Variants in MATN2 observed in about 807,000 individuals in gnomAD.
MATN2 encodes the protein matrilin 2.
A neutral mutation model predicts 103.2 loss-of-function variants in MATN2; 69 were observed. The ratio of observed to expected loss-of-function variants is 0.67; its 90% CI spans 0.55 to 0.82. The LOEUF (loss-of-function observed/expected upper bound fraction) is 0.82. Among genes scored for constraint, MATN2 ranks in the 40% least tolerant of loss-of-function variants. The pLI is 0.00. For synonymous variants in MATN2, 429 were observed against 450.2 expected (o/e 0.95, Z 0.60); for missense variants, 1,023 against 1,211.5 (o/e 0.84, Z 2.31).
At chr8:97,891,006 G>A (rs1373559560) in intron 2 of MATN2, among the ~76,000 whole-genome samples, 5 of 152,172 alleles carry the variant, frequency 3.3e-5, no homozygotes. Context: ...ACATCTGTGG[G>A]CTGTTCACTC....
chr8:98,014,897 A>G (rs1813308144), intron 10 of MATN2, among the ~76,000 whole-genome samples: 1 of 152,184 alleles, frequency 6.6e-6, no homozygotes, highest in Admixed American at 6.5e-5. Context: ...AATAATTCCG[A>G]TTCATGTCCA....
intron 18 of MATN2, 152 bp downstream of exon 18, chr8:98,033,811 GCC>G: frequency 1.6e-6 from 1 of 608,284 alleles, no homozygotes; most frequent in Non-Finnish European, 2.8e-6. Context: ...TTAAAAAGCA[GCC>G]TCACAGGTGT....
intron 3 of MATN2, among the ~76,000 whole-genome samples, chr8:97,934,252 T>C (rs767438753): frequency 1.1e-4 from 16 of 152,224 alleles, no homozygotes; most frequent in Non-Finnish European, 2.1e-4. Context: ...GAGCAAATCC[T>C]TTGTGCTCTC....
intron 2 of MATN2, among the ~76,000 whole-genome samples, chr8:97,918,221 A>C (rs761073294): frequency 2.0e-5 from 3 of 152,182 alleles, no homozygotes; most frequent in Non-Finnish European, 4.4e-5. Context: ...TCGAATAATA[A>C]TTTCTCTTAC....
chr8:97,875,583 G>A (rs1039345426), intron 1 of MATN2, among the ~76,000 whole-genome samples: 1 of 151,702 alleles, frequency 6.6e-6, no homozygotes, highest in African/African-American at 2.4e-5. Flanking sequence ...TTCCCCTAAG[G>A]CAACTACTAT....
intron 2 of MATN2, among the ~76,000 whole-genome samples, chr8:97,897,761 C>G (rs1818860972): frequency 6.6e-6 from 1 of 152,172 alleles, no homozygotes; most frequent in Admixed American, 6.5e-5. Flanking sequence ...CTGCTGTTCC[C>G]TATCAAATTC....
At chr8:97,901,035 G>A (rs1818963309) in intron 2 of MATN2, among the ~76,000 whole-genome samples, 1 of 152,120 alleles carries the variant, frequency 6.6e-6, no homozygotes, top group African/African-American at 2.4e-5. Flanking sequence ...GACTTGGTGG[G>A]GTCACCGGGG....
intron 5 of MATN2, among the ~76,000 whole-genome samples, chr8:97,966,544 C>T (rs1275028568): frequency 6.9e-6 from 1 of 145,050 alleles, no homozygotes; most frequent in Non-Finnish European, 1.5e-5. Context: ...CTAGCCTGGG[C>T]AACAGAGTAA....
intron 2 of MATN2, among the ~76,000 whole-genome samples, chr8:97,922,962 G>C (rs111574038): frequency 0.012 from 1,883 of 152,278 alleles, 40 homozygotes; most frequent in African/African-American, 0.043. Flanking sequence ...CAATAGGTAT[G>C]TTGAATGACT....
chr8:97,903,283 A>G (rs1563656492), intron 2 of MATN2, among the ~76,000 whole-genome samples: 5 of 152,096 alleles, frequency 3.3e-5, no homozygotes, highest in African/African-American at 1.2e-4. Flanking sequence ...TAGGAACACT[A>G]TATCTATTGC....
chr8:97,928,574 G>T (rs1810070710), intron 2 of MATN2, among the ~76,000 whole-genome samples: 2 of 152,150 alleles, frequency 1.3e-5, no homozygotes, highest in South Asian at 2.1e-4. Flanking sequence ...AGCCCCTGGG[G>T]CTCAGGGCTT....
chr8:97,952,916 A>ATTTTT (rs71570276), intron 4 of MATN2, among the ~76,000 whole-genome samples: 27 of 96,106 alleles, frequency 2.8e-4, no homozygotes, highest in African/African-American at 4.1e-4. Context: ...GTTTGTAGGG[A>ATTTTT]TTTTTTTTTT....
chr8:97,958,517 G>A (rs1811209640), intron 4 of MATN2, among the ~76,000 whole-genome samples: 2 of 152,188 alleles, frequency 1.3e-5, no homozygotes, highest in Admixed American at 1.3e-4. Flanking sequence ...GTGCAGGGGT[G>A]GGCTGACAGC....
At chr8:97,915,461 C>T (rs915191990) in intron 2 of MATN2, among the ~76,000 whole-genome samples, 8 of 152,176 alleles carry the variant, frequency 5.3e-5, no homozygotes, top group African/African-American at 1.9e-4. Context: ...GAATTGTCTC[C>T]GAAGACAAAC....
intron 10 of MATN2, among the ~76,000 whole-genome samples, chr8:98,015,282 A>G (rs1813319030): frequency 6.6e-6 from 1 of 152,122 alleles, no homozygotes; most frequent in African/African-American, 2.4e-5. Flanking sequence ...CAGGTGTCCA[A>G]GCTCCATTCT....
intron 2 of MATN2, among the ~76,000 whole-genome samples, chr8:97,916,820 A>C (rs1206501092): frequency 2.6e-5 from 4 of 152,228 alleles, no homozygotes; most frequent in Non-Finnish European, 5.9e-5. Context: ...GCTCTCTCAC[A>C]AAGAAAATTG....
At chr8:97,893,092 G>C (rs1358081968) in intron 2 of MATN2, among the ~76,000 whole-genome samples, 2 of 152,186 alleles carry the variant, frequency 1.3e-5, no homozygotes, top group East Asian at 3.8e-4. Flanking sequence ...GCTTTAAGCA[G>C]TCAACAGTGG....
chr8:97,908,217 G>A (rs1489564063), intron 2 of MATN2, among the ~76,000 whole-genome samples: 2 of 151,798 alleles, frequency 1.3e-5, no homozygotes, highest in African/African-American at 2.4e-5. Flanking sequence ...AGATTGTGCC[G>A]TTGCATTCCA....
chr8:98,003,966 G>C, intron 8 of MATN2, 183 bp downstream of exon 8: 1 of 650,542 alleles, frequency 1.5e-6, no homozygotes, highest in Non-Finnish European at 2.6e-6. Context: ...TATCGGCCTA[G>C]CCAACTTGGG....
Sources: allele counts gnomAD v4.1 joint callset (sites outside exome capture counted in the v4.1 genomes callset), GRCh38; gene constraint gnomAD v4.1.1; transcripts MANE v1.5; gene names NCBI Gene and HGNC (gene_info 2026-07-23, HGNC 2026-07-21).